Variants in ZDHHC15 observed in about 807,000 individuals in gnomAD.
ZDHHC15 encodes zDHHC palmitoyltransferase 15.
In ZDHHC15, 19 loss-of-function variants were observed where a neutral mutation model predicts 31.7. The observed-to-expected ratio is 0.60, with a 90% CI of 0.42 to 0.88. The LOEUF (loss-of-function observed/expected upper bound fraction) is 0.88. ZDHHC15 is among the 40% of genes least tolerant of loss of function. The pLI is 0.00. For synonymous variants in ZDHHC15, 103 were observed against 90.0 expected (o/e 1.14, Z -0.82); for missense variants, 209 against 251.2 (o/e 0.83, Z 1.14).
intron 10 of ZDHHC15, among the ~76,000 whole-genome samples, chrX:75,405,719 A>G (rs2083404501): frequency 8.9e-6 from 1 of 112,124 alleles, no homozygotes; most frequent in Non-Finnish European, 1.9e-5. Flanking sequence ...AAATAACAGT[A>G]GGGCAGTTTA....
chrX:75,522,674 C>T lies in ZDHHC15; in HGVS notation c.136+215G>A, dbSNP rs72630744. 3.6e-5 allele frequency among the ~76,000 whole-genome samples: 4 copies of T among 110,073 alleles called. No individual in the cohort carries two copies. The East Asian group carries it at 8.7e-4, about 24-fold the overall frequency. On this transcript the variant is annotated intron_variant, in intron 1 of 11. Coordinates refer to ENST00000373367, the MANE Select transcript of ZDHHC15 (RefSeq NM_144969.3). ...GGGTAGGGCAAAGAAATAAGAAACC[C>T]TAGGTGGGAGACGATGGAGACACGG...
At chrX:75,478,778 A>G (rs753218989) in intron 3 of ZDHHC15, 113 bp downstream of exon 3, 2 of 561,487 alleles carry the variant, frequency 3.6e-6, no homozygotes, top group South Asian at 6.2e-5. Flanking sequence ...GAGTTCTTTA[A>G]GATTACCCTG....
intron 10 of ZDHHC15, among the ~76,000 whole-genome samples, chrX:75,400,798 A>G (rs911105215): frequency 8.9e-6 from 1 of 111,883 alleles, no homozygotes; most frequent in African/African-American, 3.2e-5. Flanking sequence ...CTGAAACCCT[A>G]TGAGCCAGAA....
intron 2 of ZDHHC15, among the ~76,000 whole-genome samples, chrX:75,487,285 C>A (rs2084793074): frequency 8.9e-6 from 1 of 112,362 alleles, no homozygotes; most frequent in African/African-American, 3.2e-5. Flanking sequence ...ACTTCACTCC[C>A]CTGCCACCTC....
rs1264146705 is a variant in ZDHHC15 at position 75,487,057 on chromosome X, T to G, written c.164-8072A>C. ...AAGGCACTCTCTTCAAAGCACCACC[T>G]GCTGGAGGCCAGCCAACTCAAGCCA... On this transcript the variant is annotated intron_variant, in intron 2 of 11. Transcript: ENST00000373367. 4.5e-5 allele frequency among the ~76,000 whole-genome samples: 5 copies of G among 111,643 alleles called. No individual in the cohort carries two copies. The East Asian group carries it at 1.4e-3, about 32-fold the overall frequency.
intron 2 of ZDHHC15, 83 bp downstream of exon 2, chrX:75,505,738 G>A (rs1042925755): frequency 1.0e-5 from 11 of 1,055,705 alleles, no homozygotes; most frequent in African/African-American, 5.7e-5. Flanking sequence ...AAAATTGCTC[G>A]GTCTATAGGC....
intron 4 of ZDHHC15, among the ~76,000 whole-genome samples, chrX:75,435,208 T>C (rs7050788): frequency 1.2e-4 from 13 of 111,977 alleles, no homozygotes; most frequent in Non-Finnish European, 1.9e-4. Context: ...TGAAATTTTA[T>C]TGAATTCATT....
intron 2 of ZDHHC15, among the ~76,000 whole-genome samples, chrX:75,494,890 A>G (rs1245908920): frequency 8.9e-6 from 1 of 112,297 alleles, no homozygotes; most frequent in Non-Finnish European, 1.9e-5. Context: ...CTTCATGTCT[A>G]AAACACCGAA....
intron 4 of ZDHHC15, among the ~76,000 whole-genome samples, chrX:75,439,395 G>A (rs1034311522): frequency 9.0e-6 from 1 of 111,102 alleles, no homozygotes; most frequent in African/African-American, 3.3e-5. Context: ...GTCAGATTGG[G>A]TTAATTCAAA....
At position 75,498,274 on chromosome X, in the gene ZDHHC15, C is replaced by T. The variant is rs555923160; in HGVS notation, c.163+7547G>A. On this transcript the variant is annotated intron_variant, in intron 2 of 11. Coordinates refer to ENST00000373367, the MANE Select transcript of ZDHHC15 (RefSeq NM_144969.3). ...TATAATCAACATAGGATCAGAAGTCCTAGCCAGAGCGATCAGACAAGAGAA... is the reference window on the plus strand; with the variant it reads ...TATAATCAACATAGGATCAGAAGTCTTAGCCAGAGCGATCAGACAAGAGAA... Among the ~76,000 whole-genome samples, 17 of 110,285 alleles carry T rather than the reference C, an allele frequency of 1.5e-4. No individual in the cohort carries two copies. The South Asian group carries it at 5.2e-3, about 33-fold the overall frequency.
At chrX:75,515,129 C>T (rs998604104) in intron 1 of ZDHHC15, among the ~76,000 whole-genome samples, 1 of 111,027 alleles carries the variant, frequency 9.0e-6, no homozygotes, top group East Asian at 2.8e-4. Flanking sequence ...GATTCATACC[C>T]GAATTCTACC....
At chrX:75,446,060 A>G (rs1404908100) in intron 4 of ZDHHC15, among the ~76,000 whole-genome samples, 2 of 111,829 alleles carry the variant, frequency 1.8e-5, no homozygotes, top group African/African-American at 3.2e-5. Context: ...ACCAATGAAG[A>G]CACGTACTAC....
At chrX:75,514,420 T>A (rs907283500) in intron 1 of ZDHHC15, among the ~76,000 whole-genome samples, 1 of 111,929 alleles carries the variant, frequency 8.9e-6, no homozygotes, top group Non-Finnish European at 1.9e-5. Flanking sequence ...TTCAACAGGA[T>A]CATTCCAAGA....
In ZDHHC15 at chrX:75,450,639, A is replaced by G; in HGVS notation, c.379+163T>C. The G allele has an allele frequency of 2.9e-6, 3 of 1,045,331 alleles. No homozygotes were observed. In the South Asian group the frequency reaches 6.4e-5, roughly 22 times the overall value. The allele number at this position is 1,045,331 out of a possible 1,213,427, so 86.1% of individuals were successfully genotyped here. On this transcript the variant is annotated intron_variant, in intron 4 of 11. Transcript: ENST00000373367. ...TTACTATACAATTCTTCCAGCTTTG[A>G]TATGTGTTTAAAATTTTTTAGAAAT...
chrX:75,474,338 T>G (rs1458698153), intron 3 of ZDHHC15, among the ~76,000 whole-genome samples: 2 of 108,683 alleles, frequency 1.8e-5, no homozygotes, highest in Non-Finnish European at 3.8e-5. Context: ...TTCTTCATTT[T>G]TGGGATTCAG....
chrX:75,497,277 T>G (rs777306469), intron 2 of ZDHHC15, among the ~76,000 whole-genome samples: 2 of 111,454 alleles, frequency 1.8e-5, no homozygotes, highest in Non-Finnish European at 3.8e-5. Flanking sequence ...CTTCCTAGAT[T>G]AAACCAGGAA....
chrX:75,516,866 C>A (rs1187805917), intron 1 of ZDHHC15, among the ~76,000 whole-genome samples: 1 of 111,733 alleles, frequency 8.9e-6, no homozygotes, highest in Admixed American at 9.5e-5. Context: ...CCAGAATCTA[C>A]AAAGAACTCA....
chrX:75,377,024 G>GACAT (rs1462370660), intron 11 of ZDHHC15, among the ~76,000 whole-genome samples: 1 of 110,940 alleles, frequency 9.0e-6, no homozygotes, highest in Non-Finnish European at 1.9e-5. Flanking sequence ...TAATTACTTG[G>GACAT]ACATATATAA....
At chrX:75,503,925 T>C (rs1056321084) in intron 2 of ZDHHC15, among the ~76,000 whole-genome samples, 2 of 111,081 alleles carry the variant, frequency 1.8e-5, no homozygotes, top group African/African-American at 3.3e-5. Flanking sequence ...ATCCATAGTG[T>C]TACTTGGCTT....
Sources: allele counts gnomAD v4.1 joint callset (sites outside exome capture counted in the v4.1 genomes callset), GRCh38; gene constraint gnomAD v4.1.1; transcripts MANE v1.5; gene names NCBI Gene and HGNC (gene_info 2026-07-23, HGNC 2026-07-21).